The following FAM135B variants were observed in gnomAD, a reference collection of about 807,000 sequenced individuals.
FAM135B encodes family with sequence similarity 135 member B.
Under a neutral mutation model 127.7 loss-of-function variants are expected in FAM135B, and 43 were observed. The observed-to-expected ratio is 0.34, with a 90% confidence interval of 0.26 to 0.43. The LOEUF (loss-of-function observed/expected upper bound fraction) is 0.43, where lower values mean the gene tolerates loss of function less well. Ranked by LOEUF, FAM135B falls within the 20% of genes least tolerant of loss-of-function variation. The probability of loss-of-function intolerance (pLI) is 1.00; values close to 1 mark genes in which losing one functional copy is unlikely to be tolerated. For missense variants in FAM135B, 1,558 were observed against 1,725.6 expected (o/e 0.90, Z 1.72); for synonymous variants, 670 against 665.1 (o/e 1.01, Z -0.11).
At chr8:138,497,708 G>A (rs1030044250), upstream of FAM135B, among the ~76,000 whole-genome samples, 1 of 152,194 alleles carries the variant, frequency 6.6e-6, no homozygotes, top group Non-Finnish European at 1.5e-5. Flanking sequence ...GCTGAACGTG[G>A]GGGTTCACAG....
intron 12 of FAM135B, among the ~76,000 whole-genome samples, chr8:138,161,344 C>T (rs1819366830): frequency 6.6e-6 from 1 of 151,278 alleles, no homozygotes; most frequent in Non-Finnish European, 1.5e-5. Flanking sequence ...CTCTTCTTCC[C>T]TTTCTTCTCT....
At chr8:138,448,302 C>T (rs1181131558) in intron 1 of FAM135B, among the ~76,000 whole-genome samples, 1 of 152,010 alleles carries the variant, frequency 6.6e-6, no homozygotes, top group East Asian at 1.9e-4. Flanking sequence ...CTGAGTAAAG[C>T]AGATTGCCCT....
rs771985054 is a variant in FAM135B at position 138,152,286 on chromosome 8, C to T, written c.2189G>A (p.Gly730Asp). The change falls in exon 13 of 20, where the codon GGT (glycine) becomes GAT (aspartate). Residue 730 changes from glycine to aspartate, a missense_variant. Physicochemically the swap from Gly to Asp is moderately conservative, Grantham distance 94 (BLOSUM62 -1). Coordinates refer to ENST00000395297, the MANE Select transcript of FAM135B (RefSeq NM_015912.4). ...RHALHRNSLE[G>D]GHTESNTSLP... is the part of the protein sequence containing the mutation. ...ACTTGTGTTACTTTCTGTGTGTCCA[C>T]CCTCTAGGGAGTTCCGGTGGAGGGC... 3 of 1,614,078 alleles carry T rather than the reference C, an allele frequency of 1.9e-6. No individual in the cohort carries two copies. The highest frequency in any genetic ancestry group is 1.7e-6 in the Non-Finnish European group (2 of 1,180,030).
rs565638073 is a variant in FAM135B at position 138,359,914 on chromosome 8, C to T, written c.77+7993G>A. Among the ~76,000 whole-genome samples, 19 of 152,280 alleles carry T rather than the reference C, an allele frequency of 1.2e-4. No homozygotes were observed. The East Asian group carries it at 3.7e-3, about 30-fold the overall frequency. On this transcript the variant is annotated intron_variant, in intron 2 of 19. Transcript: ENST00000395297. The stretch of plus-strand genomic sequence containing the variant: ...TAGAGAAAAGGCAGGTGAGTACGTT[C>T]AAAGGAGATTTCAATCCTAACATTT...
chr8:138,408,858 G>A (rs113135243), intron 1 of FAM135B, among the ~76,000 whole-genome samples: 5 of 152,140 alleles, frequency 3.3e-5, no homozygotes, highest in South Asian at 2.1e-4. Context: ...AATCTGAGAT[G>A]AGATTTGGGT....
intron 1 of FAM135B, among the ~76,000 whole-genome samples, chr8:138,430,932 G>A (rs914488856): frequency 2.0e-5 from 3 of 152,082 alleles, no homozygotes; most frequent in Admixed American, 6.6e-5. Flanking sequence ...ATACCACCAC[G>A]AAATTTCCCA....
intron 12 of FAM135B, among the ~76,000 whole-genome samples, chr8:138,160,564 T>A (rs1265048460): frequency 1.3e-5 from 2 of 150,698 alleles, no homozygotes; most frequent in Non-Finnish European, 3.0e-5. Flanking sequence ...CATTTTTTTT[T>A]TTTTTTGTAT....
chr8:138,447,546 T>C (rs1384794586), intron 1 of FAM135B, among the ~76,000 whole-genome samples: 2 of 150,992 alleles, frequency 1.3e-5, no homozygotes, highest in Non-Finnish European at 1.5e-5. Context: ...CAGCAAACTA[T>C]CGCAAGGACA....
intron 7 of FAM135B, among the ~76,000 whole-genome samples, chr8:138,209,758 T>A (rs967929218): frequency 6.6e-6 from 1 of 152,140 alleles, no homozygotes; most frequent in African/African-American, 2.4e-5. Context: ...AAAGTTGTAA[T>A]CATGGTATAA....
Position 138,132,449 on chromosome 8 carries a change from C to T in FAM135B, c.*144G>A, listed in dbSNP as rs1218134843. Reference sequence around the variant, plus strand: ...TCTCGAATCTCCAAAACAAAAGCACCTCTCATGTCAGGTTCCACCCGAGCC... The same window carrying T: ...TCTCGAATCTCCAAAACAAAAGCACTTCTCATGTCAGGTTCCACCCGAGCC... On this transcript the variant is annotated 3_prime_UTR_variant, in exon 20 of 20. Coordinates refer to ENST00000395297, the MANE Select transcript of FAM135B (RefSeq NM_015912.4). This position sits in a 1 kb window ranked among gnomAD's most constrained non-coding sequence, Gnocchi z 4.5. 1.5e-6 allele frequency: 1 copy of T among 677,870 alleles called. No homozygotes were observed. Among genetic ancestry groups the T allele is most frequent in the East Asian group, 2.5e-5 (1 of 39,594 alleles). The allele number at this position is 677,870 out of a possible 1,614,324, so 42.0% of individuals were successfully genotyped here. A position where few individuals can be genotyped will look rare whatever the true frequency, so the allele number is the denominator to read the frequency against.
At chr8:138,280,179 C>T (rs941285331) in intron 3 of FAM135B, among the ~76,000 whole-genome samples, 2 of 152,152 alleles carry the variant, frequency 1.3e-5, no homozygotes, top group Non-Finnish European at 2.9e-5. Context: ...TACCAAAAAA[C>T]TATTTCCAAG....
chr8:138,208,889 T>A (rs1817919189), intron 7 of FAM135B, among the ~76,000 whole-genome samples: 1 of 152,212 alleles, frequency 6.6e-6, no homozygotes, highest in Non-Finnish European at 1.5e-5. Flanking sequence ...AAAAAAAATC[T>A]CATTATTAGT....
chr8:138,197,760 T>A (rs2131143295), intron 7 of FAM135B, 91 bp from the exon 8 acceptor site: 1 of 1,407,878 alleles, frequency 7.1e-7, no homozygotes, highest in South Asian at 1.3e-5. Context: ...CGCACCAACA[T>A]TCACAAAATG....
intron 3 of FAM135B, among the ~76,000 whole-genome samples, chr8:138,274,347 GT>G (rs1183488397): frequency 6.6e-6 from 1 of 152,198 alleles, no homozygotes; most frequent in Non-Finnish European, 1.5e-5. Context: ...AAACCAGCAA[GT>G]TTTTATTAGG....
At chr8:138,444,418 A>T (rs1377274181) in intron 1 of FAM135B, among the ~76,000 whole-genome samples, 1 of 152,226 alleles carries the variant, frequency 6.6e-6, no homozygotes, top group Non-Finnish European at 1.5e-5. Flanking sequence ...ACTCCTCAGC[A>T]AATGTGAAAG....
At chr8:138,402,817 T>C (rs1234633101) in intron 1 of FAM135B, among the ~76,000 whole-genome samples, 1 of 152,206 alleles carries the variant, frequency 6.6e-6, no homozygotes, top group East Asian at 1.9e-4. Flanking sequence ...ATGTTTGTGT[T>C]TTCCAAACAA....
chr8:138,345,674 C>T (rs12676701), intron 2 of FAM135B, among the ~76,000 whole-genome samples: 3,681 of 152,298 alleles, frequency 0.024, 67 homozygotes, highest in East Asian at 0.12. Flanking sequence ...ACCACCCAGC[C>T]ATGTGGCGAC....
At chr8:138,290,514 A>C (rs1005993163) in intron 3 of FAM135B, among the ~76,000 whole-genome samples, 5 of 151,966 alleles carry the variant, frequency 3.3e-5, no homozygotes, top group African/African-American at 1.2e-4. Context: ...TGTTTGCTTG[A>C]ATTATTGTTA....
intron 1 of FAM135B, among the ~76,000 whole-genome samples, chr8:138,457,028 A>C (rs571951335): frequency 8.0e-5 from 12 of 150,032 alleles, no homozygotes; most frequent in East Asian, 2.1e-4. Flanking sequence ...AAAGGAACAA[A>C]AAAAAAAAAG....
Sources: gnomAD v4.1 joint callset for allele counts (sites outside exome capture counted in the v4.1 genomes callset) on GRCh38, gnomAD v4.1.1 for gene constraint, Gnocchi (gnomAD v3.1) non-coding constraint, MANE v1.5 for transcripts, NCBI Gene and HGNC (gene_info 2026-07-23, HGNC 2026-07-21) for gene names.